FCHSD2: variants seen among roughly 807,000 people sequenced by gnomAD.
FCHSD2 encodes the protein FCH and double SH3 domains 2, also known as F-BAR and double SH3 domains protein 2.
FCHSD2 carries 38 observed loss-of-function variants against 108.1 expected under a neutral mutation model. The ratio of observed to expected loss-of-function variants is 0.35; its 90% CI spans 0.27 to 0.46. FCHSD2 has a LOEUF of 0.46. Among genes scored for constraint, FCHSD2 ranks in the 20% least tolerant of loss-of-function variants. The pLI, the probability that FCHSD2 is intolerant of heterozygous loss-of-function variation, is 1.00. For missense variants in FCHSD2, 751 were observed against 897.8 expected, an observed-to-expected ratio of 0.84 and a Z score of 2.09; for synonymous variants, 279 against 314.7, an observed-to-expected ratio of 0.89 and a Z score of 1.20.
At chr11:72,985,859 T>C (rs1253178159) in intron 6 of FCHSD2, among the ~76,000 whole-genome samples, 2 of 152,146 alleles carry the variant, frequency 1.3e-5, no homozygotes, top group Non-Finnish European at 2.9e-5. Flanking sequence ...AGACAAATGC[T>C]AGGGAACAAG....
intron 13 of FCHSD2, among the ~76,000 whole-genome samples, chr11:72,860,696 T>G (rs1861549399): frequency 6.6e-6 from 1 of 151,958 alleles, no homozygotes. Flanking sequence ...TATACAAAAT[T>G]TAGCTGGGCG....
intron 8 of FCHSD2, among the ~76,000 whole-genome samples, chr11:72,954,458 A>G (rs537027346): frequency 5.9e-5 from 9 of 152,124 alleles, no homozygotes; most frequent in African/African-American, 2.2e-4. Context: ...CTTCCCCTTC[A>G]GCCTCCCAAA....
At chr11:73,134,382 A>T (rs555091405) in intron 2 of FCHSD2, among the ~76,000 whole-genome samples, 1 of 152,252 alleles carries the variant, frequency 6.6e-6, no homozygotes, top group East Asian at 1.9e-4. Context: ...AGGTAGAAGG[A>T]TCACTTAAGT....
At chr11:72,891,031 T>G (rs1008150233) in intron 10 of FCHSD2, among the ~76,000 whole-genome samples, 1 of 152,094 alleles carries the variant, frequency 6.6e-6, no homozygotes, top group Non-Finnish European at 1.5e-5. Flanking sequence ...ACTCTCCCAC[T>G]TCAGCCTCCT....
chr11:73,100,037 CCCGGAAGGCGTGTTCTTGG>C (rs1249553112), intron 2 of FCHSD2, among the ~76,000 whole-genome samples: 4 of 152,172 alleles, frequency 2.6e-5, no homozygotes, highest in Admixed American at 2.6e-4. Flanking sequence ...CCTGACGCAC[CCCGGAAGGCGTGTTCTTGG>C]CTTGACACTT....
intron 2 of FCHSD2, among the ~76,000 whole-genome samples, chr11:73,115,208 G>T (rs901949662): frequency 6.6e-6 from 1 of 152,180 alleles, no homozygotes; most frequent in African/African-American, 2.4e-5. Context: ...CGACAGAACA[G>T]CACTGAGTTC....
intron 3 of FCHSD2, among the ~76,000 whole-genome samples, chr11:73,035,773 T>C (rs1015983791): frequency 3.7e-4 from 56 of 151,406 alleles, no homozygotes; most frequent in African/African-American, 1.3e-3. Flanking sequence ...CAGGCTGGAG[T>C]ACAGTGGCGC....
At chr11:72,946,346 T>C (rs1387440519) in intron 8 of FCHSD2, among the ~76,000 whole-genome samples, 1 of 130,796 alleles carries the variant, frequency 7.6e-6, no homozygotes, top group African/African-American at 2.9e-5. Flanking sequence ...AATTGAACAA[T>C]GAGAACACAT....
intron 8 of FCHSD2, among the ~76,000 whole-genome samples, chr11:72,969,184 A>C (rs181395072): frequency 2.0e-5 from 3 of 152,334 alleles, no homozygotes; most frequent in Non-Finnish European, 2.9e-5. Flanking sequence ...TGTCAAAATC[A>C]GTGTTAACAG....
intron 8 of FCHSD2, among the ~76,000 whole-genome samples, chr11:72,936,561 G>T (rs1856305481): frequency 1.3e-5 from 2 of 152,142 alleles, no homozygotes; most frequent in African/African-American, 4.8e-5. Context: ...GCTTGCTTGA[G>T]GCCAGGAGTT....
chr11:72,910,054 GCA>G (rs1855727039), intron 9 of FCHSD2, among the ~76,000 whole-genome samples: 1 of 148,560 alleles, frequency 6.7e-6, no homozygotes, highest in African/African-American at 2.5e-5. Context: ...GAAGTGAGGA[GCA>G]CCTCTGCCCG....
intron 5 of FCHSD2, among the ~76,000 whole-genome samples, chr11:72,992,521 C>T (rs1396380786): frequency 9.9e-5 from 15 of 152,248 alleles, no homozygotes; most frequent in African/African-American, 1.9e-4. Context: ...TACAAGGCTA[C>T]GGTAACCAAA....
At chr11:73,070,738 T>TAA (rs879356154) in intron 3 of FCHSD2, among the ~76,000 whole-genome samples, 37 of 141,418 alleles carry the variant, frequency 2.6e-4, no homozygotes, top group African/African-American at 9.1e-4. Flanking sequence ...AATGTCAAAT[T>TAA]AAAAAAAAAA....
At chr11:72,913,265 T>C (rs1182759799) in intron 9 of FCHSD2, among the ~76,000 whole-genome samples, 2 of 152,144 alleles carry the variant, frequency 1.3e-5, no homozygotes, top group East Asian at 1.9e-4. Context: ...TCTAGGAATT[T>C]ATCCATTTTT....
intron 3 of FCHSD2, among the ~76,000 whole-genome samples, chr11:73,030,213 G>A (rs1858326361): frequency 1.3e-5 from 2 of 152,084 alleles, no homozygotes; most frequent in South Asian, 4.2e-4. Flanking sequence ...TGCGTGTGTG[G>A]GTAATCACAG....
At chr11:73,044,845 T>A (rs903861003) in intron 3 of FCHSD2, among the ~76,000 whole-genome samples, 1 of 152,060 alleles carries the variant, frequency 6.6e-6, no homozygotes, top group African/African-American at 2.4e-5. Flanking sequence ...CCGAGGCAGG[T>A]GGATCACGAG....
At chr11:72,983,808 T>C (rs1591456675) in intron 8 of FCHSD2, 2 of 522,338 alleles carry the variant, frequency 3.8e-6, no homozygotes, top group African/African-American at 3.8e-5. Context: ...ATCACTCTTG[T>C]ATCTTCTACA....
At chr11:73,114,006 T>C (rs1860552103) in intron 2 of FCHSD2, among the ~76,000 whole-genome samples, 1 of 152,098 alleles carries the variant, frequency 6.6e-6, no homozygotes. Flanking sequence ...TGGGCCTCTG[T>C]CCTTCCCTTT....
At chr11:73,000,736 C>T in intron 5 of FCHSD2, among the ~76,000 whole-genome samples, 1 of 152,188 alleles carries the variant, frequency 6.6e-6, no homozygotes, top group Admixed American at 6.5e-5. Context: ...TTGAATTATG[C>T]CGAAAAGCGG....
Sources: allele counts gnomAD v4.1 joint callset (sites outside exome capture counted in the v4.1 genomes callset), GRCh38; gene constraint gnomAD v4.1.1; transcripts MANE v1.5; gene names NCBI Gene and HGNC (gene_info 2026-07-23, HGNC 2026-07-21).